Variants in DPP10 observed in about 807,000 individuals in gnomAD.
DPP10 encodes the protein dipeptidyl peptidase like 10.
Under a neutral mutation model 120.9 loss-of-function variants are expected in DPP10, and 33 were observed. The ratio of observed to expected loss-of-function variants is 0.27; its 90% CI spans 0.21 to 0.37. The LOEUF (loss-of-function observed/expected upper bound fraction) is 0.37. Among genes scored for constraint, DPP10 ranks in the 10% least tolerant of loss-of-function variants. The probability of loss-of-function intolerance (pLI) is 1.00; values close to 1 mark genes in which losing one functional copy is unlikely to be tolerated. For missense variants in DPP10, 816 were observed against 942.8 expected (o/e 0.87, Z 1.76); for synonymous variants, 337 against 326.1 (o/e 1.03, Z -0.36).
At chr2:115,246,674 T>C (rs918755002) in intron 1 of DPP10, among the ~76,000 whole-genome samples, 1 of 152,096 alleles carries the variant, frequency 6.6e-6, no homozygotes, top group African/African-American at 2.4e-5. Context: ...GAGGATTCAG[T>C]GTATGGGACA....
At chr2:115,768,972 A>G (rs916223393) in intron 13 of DPP10, among the ~76,000 whole-genome samples, 1 of 151,922 alleles carries the variant, frequency 6.6e-6, no homozygotes, top group Non-Finnish European at 1.5e-5. Context: ...TCCGATAAAA[A>G]GAGGGGAAAG....
intron 1 of DPP10, among the ~76,000 whole-genome samples, chr2:114,511,447 C>G (rs1453143827): frequency 6.6e-6 from 1 of 152,112 alleles, no homozygotes; most frequent in South Asian, 2.1e-4. Context: ...TATTCTTGCA[C>G]TAAAATGAGC....
chr2:115,703,342 A>G (rs1412812636), intron 7 of DPP10, among the ~76,000 whole-genome samples: 3 of 152,028 alleles, frequency 2.0e-5, no homozygotes, highest in African/African-American at 7.2e-5. Context: ...GAGGTATGTC[A>G]AGTGTATCAG....
chr2:114,777,679 G>A (rs1342864846), intron 1 of DPP10, among the ~76,000 whole-genome samples: 1 of 152,004 alleles, frequency 6.6e-6, no homozygotes, highest in Non-Finnish European at 1.5e-5. Flanking sequence ...TCATCTCAAA[G>A]CTTCTATCAG....
At chr2:115,262,294 A>AT (rs1306832040) in intron 1 of DPP10, among the ~76,000 whole-genome samples, 4 of 152,062 alleles carry the variant, frequency 2.6e-5, no homozygotes, top group Admixed American at 1.3e-4. Context: ...AGTAGCTCCC[A>AT]TTTTTTAAAG....
chr2:115,757,875 A>C (rs1316517373), intron 11 of DPP10, among the ~76,000 whole-genome samples: 3 of 152,154 alleles, frequency 2.0e-5, no homozygotes, highest in Non-Finnish European at 4.4e-5. Context: ...CTTTCAATAT[A>C]AATGAATAAC....
At position 114,914,136 on chromosome 2, in the gene DPP10, T is replaced by G. The variant is rs28865641; in HGVS notation, c.61-395103T>G. Among the ~76,000 whole-genome samples the G allele has an allele frequency of 7.6e-3, 1,164 of 152,322 alleles. 7 individuals carry two copies. Among genetic ancestry groups the G allele is most frequent in the African/African-American group, 0.027 (1,104 of 41,564 alleles). On this transcript the variant is annotated intron_variant, in intron 1 of 25. Coordinates refer to ENST00000410059, the MANE Select transcript of DPP10 (RefSeq NM_020868.6). ...GAAAGAGAAGGAGAGGCAAGCAACTTGTAAAACATATCTGAGGATATTGTC... is the reference window on the plus strand; with the variant it reads ...GAAAGAGAAGGAGAGGCAAGCAACTGGTAAAACATATCTGAGGATATTGTC...
intron 1 of DPP10, among the ~76,000 whole-genome samples, chr2:114,631,735 G>A (rs1236423074): frequency 6.6e-6 from 1 of 152,008 alleles, no homozygotes; most frequent in Non-Finnish European, 1.5e-5. Context: ...AGGGACAATT[G>A]CTTTCAGGAC....
At chr2:115,832,160 T>C (rs1304711132) in intron 21 of DPP10, among the ~76,000 whole-genome samples, 1 of 152,140 alleles carries the variant, frequency 6.6e-6, no homozygotes, top group South Asian at 2.1e-4. Context: ...TAAATACATA[T>C]AAAACAGGTG....
At chr2:115,774,345 A>C (rs545843507) in intron 13 of DPP10, among the ~76,000 whole-genome samples, 81 of 152,102 alleles carry the variant, frequency 5.3e-4, no homozygotes, top group African/African-American at 1.9e-3. Flanking sequence ...TCACTTTTTT[A>C]ATGTTTTGAG....
intron 1 of DPP10, among the ~76,000 whole-genome samples, chr2:114,943,473 C>A (rs1028628831): frequency 1.3e-5 from 2 of 152,102 alleles, no homozygotes; most frequent in Non-Finnish European, 2.9e-5. Context: ...AGGGTTTCAC[C>A]ATGTTGGTCA....
intron 1 of DPP10, among the ~76,000 whole-genome samples, chr2:115,005,294 C>G (rs1701739826): frequency 6.6e-6 from 1 of 152,176 alleles, no homozygotes. Context: ...ACTGGAAACT[C>G]TAAAAATCAG....
intron 1 of DPP10, among the ~76,000 whole-genome samples, chr2:114,847,063 A>G (rs978420417): frequency 6.6e-6 from 1 of 152,016 alleles, no homozygotes; most frequent in Non-Finnish European, 1.5e-5. Context: ...CTATCATATC[A>G]TATCATATCA....
intron 1 of DPP10, among the ~76,000 whole-genome samples, chr2:114,727,406 T>C (rs1676438097): frequency 6.6e-6 from 1 of 152,200 alleles, no homozygotes; most frequent in Non-Finnish European, 1.5e-5. Context: ...ATTTCTCCAA[T>C]GCTCATTTAG....
chr2:115,156,686 G>T (rs1194868474), intron 1 of DPP10, among the ~76,000 whole-genome samples: 1 of 152,160 alleles, frequency 6.6e-6, no homozygotes, highest in Non-Finnish European at 1.5e-5. Context: ...AATAAAGGAA[G>T]ATTATTTTGA....
intron 1 of DPP10, among the ~76,000 whole-genome samples, chr2:114,777,738 A>ATCT (rs1574163514): frequency 6.6e-6 from 1 of 152,150 alleles, no homozygotes; most frequent in East Asian, 1.9e-4. Context: ...ACTACTTTAC[A>ATCT]TCTCTTAAAT....
intron 1 of DPP10, among the ~76,000 whole-genome samples, chr2:114,727,667 T>C (rs1180605600): frequency 3.3e-5 from 5 of 152,204 alleles, no homozygotes; most frequent in Non-Finnish European, 1.5e-5. Context: ...TGTTCCCCGA[T>C]GGCTGCACAA....
intron 1 of DPP10, among the ~76,000 whole-genome samples, chr2:114,529,539 T>A (rs1371474989): frequency 2.0e-5 from 3 of 152,166 alleles, no homozygotes; most frequent in African/African-American, 7.2e-5. Context: ...CATGTTGCTC[T>A]TTTATTGTTC....
intron 1 of DPP10, chr2:115,162,273 G>A (rs1273129620): frequency 5.8e-6 from 9 of 1,553,252 alleles, no homozygotes; most frequent in Non-Finnish European, 7.8e-6. Flanking sequence ...GGGCAGAGAG[G>A]TAAAGGCTGA....
Sources: allele counts gnomAD v4.1 joint callset (sites outside exome capture counted in the v4.1 genomes callset), GRCh38; gene constraint gnomAD v4.1.1; transcripts MANE v1.5; gene names NCBI Gene and HGNC (gene_info 2026-07-23, HGNC 2026-07-21).